Variants in RUBCN observed in about 807,000 individuals in gnomAD.
RUBCN encodes rubicon autophagy regulator.
RUBCN carries 74 observed loss-of-function variants against 113.2 expected under a neutral mutation model. That is an observed-to-expected ratio of 0.65 (90% CI 0.54 to 0.79). The LOEUF is 0.79. Among genes scored for constraint, RUBCN ranks in the 30% least tolerant of loss-of-function variants. RUBCN has a pLI of 0.00. For synonymous variants in RUBCN, 480 were observed against 490.0 expected (o/e 0.98, Z 0.27); for missense variants, 1,109 against 1,251.7 (o/e 0.89, Z 1.72).
intron 7 of RUBCN, among the ~76,000 whole-genome samples, chr3:197,698,772 C>CACTT (rs2108896668): frequency 1.5e-5 from 2 of 136,326 alleles, no homozygotes; most frequent in African/African-American, 5.6e-5. Flanking sequence ...ACAGGAGGAT[C>CACTT]ACTTGAAGCC....
intron 13 of RUBCN, among the ~76,000 whole-genome samples, chr3:197,682,880 C>T (rs1167307690): frequency 4.6e-5 from 7 of 152,140 alleles, no homozygotes; most frequent in East Asian, 1.9e-4. Context: ...AAGTGAGGGC[C>T]GTGGGTTCCA....
At chr3:197,685,837 A>C (rs1721778509) in intron 11 of RUBCN, among the ~76,000 whole-genome samples, 1 of 152,258 alleles carries the variant, frequency 6.6e-6, no homozygotes, top group African/African-American at 2.4e-5. Context: ...AAAGAAAAAC[A>C]GTAGAGGCAA....
At chr3:197,727,397 T>A (rs1560467033) in intron 1 of RUBCN, among the ~76,000 whole-genome samples, 1 of 152,202 alleles carries the variant, frequency 6.6e-6, no homozygotes, top group Non-Finnish European at 1.5e-5. Context: ...TTCTCTGCCA[T>A]TTTCCCCCTG....
intron 11 of RUBCN, among the ~76,000 whole-genome samples, chr3:197,690,440 A>G (rs1218782228): frequency 6.6e-6 from 1 of 152,336 alleles, no homozygotes; most frequent in East Asian, 1.9e-4. Context: ...CTCCGTCTCA[A>G]AAAAAATACA....
intron 1 of RUBCN, among the ~76,000 whole-genome samples, chr3:197,730,115 A>G (rs1727245529): frequency 6.6e-6 from 1 of 152,238 alleles, no homozygotes; most frequent in African/African-American, 2.4e-5. Flanking sequence ...AGAAGAGATT[A>G]TATGGGTCTA....
intron 7 of RUBCN, among the ~76,000 whole-genome samples, chr3:197,697,634 A>G (rs1723158979): frequency 6.6e-6 from 1 of 152,210 alleles, no homozygotes; most frequent in South Asian, 2.1e-4. Flanking sequence ...GAGGGAGGGA[A>G]GGCTGGCGAG....
intron 2 of RUBCN, among the ~76,000 whole-genome samples, chr3:197,708,415 C>A (rs1724565030): frequency 1.3e-5 from 2 of 151,922 alleles, no homozygotes; most frequent in Admixed American, 6.6e-5. Flanking sequence ...GGATTACAGG[C>A]GTAAGCCACC....
At chr3:197,729,209 T>G (rs1727119423) in intron 1 of RUBCN, among the ~76,000 whole-genome samples, 1 of 152,106 alleles carries the variant, frequency 6.6e-6, no homozygotes, top group African/African-American at 2.4e-5. Flanking sequence ...TATTCTGTTT[T>G]CAATGGGAAA....
chr3:197,678,666 T>C lies in RUBCN; in HGVS notation c.2431-1125A>G, dbSNP rs531352932. On this transcript the variant is annotated intron_variant, in intron 16 of 19. Transcript: ENST00000296343. The stretch of plus-strand genomic sequence containing the variant: ...CTCTAACTGACAACTGGCTTCAGAT[T>C]GTCCTACGCTCTGACAACTGGCTCC... 4.7e-5 allele frequency among the ~76,000 whole-genome samples: 7 copies of C among 150,228 alleles called. No homozygotes were observed. In the South Asian group the frequency reaches 6.4e-4, roughly 14 times the overall value.
chr3:197,745,406 G>C (rs62283408), intron 1 of RUBCN, among the ~76,000 whole-genome samples: 1 of 149,724 alleles, frequency 6.7e-6, no homozygotes. Flanking sequence ...ACCTGAGGTC[G>C]GGAGTTCGAG....
rs750953404 is a variant in RUBCN at position 197,669,116 on chromosome 3, T to C, written c.*5902A>G. Among the ~76,000 whole-genome samples, 4 of 152,218 alleles carry C rather than the reference T, an allele frequency of 2.6e-5. No individual in the cohort carries two copies. Among genetic ancestry groups the C allele is most frequent in the Non-Finnish European group, 4.4e-5 (3 of 68,036 alleles). On this transcript the variant is annotated 3_prime_UTR_variant, in exon 20 of 20. Transcript: ENST00000296343. ...ATCCACAGTAAAGTTGCAAAGATAGTACAAATTCGTCACATAGCCCTCACC... is the reference window on the plus strand; with the variant it reads ...ATCCACAGTAAAGTTGCAAAGATAGCACAAATTCGTCACATAGCCCTCACC...
At chr3:197,724,316 A>G (rs944362033) in intron 1 of RUBCN, among the ~76,000 whole-genome samples, 6 of 152,242 alleles carry the variant, frequency 3.9e-5, no homozygotes, top group African/African-American at 1.4e-4. Flanking sequence ...AAAACTCTGT[A>G]AAGTATTACA....
At chr3:197,715,300 A>AAAAAAAG (rs1560453257) in intron 2 of RUBCN, among the ~76,000 whole-genome samples, 1 of 151,620 alleles carries the variant, frequency 6.6e-6, no homozygotes, top group Non-Finnish European at 1.5e-5. Flanking sequence ...GAAAAAAAAA[A>AAAAAAAG]AAAAAGAAAA....
intron 2 of RUBCN, among the ~76,000 whole-genome samples, chr3:197,714,327 T>C (rs1725281252): frequency 6.6e-6 from 1 of 152,130 alleles, no homozygotes; most frequent in African/African-American, 2.4e-5. Context: ...TGCTTTTTGC[T>C]GTTTTGGGTT....
In RUBCN at chr3:197,674,576, T is replaced by A. The variant is rs373092755; in HGVS notation, c.*442A>T. On this transcript the variant is annotated 3_prime_UTR_variant, in exon 20 of 20. Coordinates refer to ENST00000296343, the MANE Select transcript of RUBCN (RefSeq NM_014687.4). ...CAGGACAGGGAGAGGGAAAACGCCA[T>A]CCCCGTTTCAGCAGCAGGAGAGGTG... is the stretch of plus-strand genomic sequence containing the variant. 2 of 501,702 alleles carry A rather than the reference T, an allele frequency of 4.0e-6. No homozygotes were observed. Among genetic ancestry groups the A allele is most frequent in the African/African-American group, 2.0e-5 (1 of 49,448 alleles). 31.1% of individuals were successfully genotyped at this position (501,702 alleles called of 1,614,324 possible).
At chr3:197,709,543 G>A (rs947817042) in intron 2 of RUBCN, among the ~76,000 whole-genome samples, 2 of 152,094 alleles carry the variant, frequency 1.3e-5, no homozygotes, top group African/African-American at 4.8e-5. Context: ...ACCATGCCCG[G>A]CTAGTTTTGT....
intron 18 of RUBCN, chr3:197,676,292 T>C (rs1720408404): frequency 1.0e-6 from 1 of 993,096 alleles, no homozygotes; most frequent in Admixed American, 5.5e-5. Context: ...TCCCTCTCGA[T>C]TCCAATCCAG....
intron 11 of RUBCN, among the ~76,000 whole-genome samples, chr3:197,687,550 G>A (rs1721985827): frequency 6.6e-6 from 1 of 152,242 alleles, no homozygotes; most frequent in South Asian, 2.1e-4. Flanking sequence ...GAGGCAGAAG[G>A]GGTTTCTCCG....
intron 8 of RUBCN, 86 bp from the exon 9 acceptor site, chr3:197,696,067 C>A (rs1722965657): frequency 1.6e-6 from 2 of 1,289,580 alleles, no homozygotes; most frequent in South Asian, 2.4e-5. Context: ...CCAAGTCTTC[C>A]CAGGTAACTG....
Sources: gnomAD v4.1 joint callset for allele counts (sites outside exome capture counted in the v4.1 genomes callset) on GRCh38, gnomAD v4.1.1 for gene constraint, MANE v1.5 for transcripts, NCBI Gene and HGNC (gene_info 2026-07-23, HGNC 2026-07-21) for gene names.